SULT1E1: variants seen among roughly 807,000 people sequenced by gnomAD.
SULT1E1 encodes the protein sulfotransferase family 1E member 1.
Under a neutral mutation model 33.6 loss-of-function variants are expected in SULT1E1, and 36 were observed. The observed-to-expected ratio is 1.07, with a 90% CI of 0.82 to 1.41. The LOEUF is 1.41. Ranked by LOEUF, SULT1E1 falls within the 40% of genes most tolerant of loss-of-function variation. The pLI is 0.00. For synonymous variants in SULT1E1, 121 were observed against 111.7 expected (o/e 1.08, Z -0.53); for missense variants, 371 against 345.7 (o/e 1.07, Z -0.58).
At chr4:69,850,360 A>T (rs1721076543) in intron 4 of SULT1E1, among the ~76,000 whole-genome samples, 1 of 152,076 alleles carries the variant, frequency 6.6e-6, no homozygotes, top group African/African-American at 2.4e-5. Flanking sequence ...TTAGGCCCTC[A>T]GGCACCTAAG....
chr4:69,854,390 A>G, intron 3 of SULT1E1, 76 bp from the exon 4 acceptor site: 1 of 871,284 alleles, frequency 1.1e-6, no homozygotes, highest in Non-Finnish European at 1.7e-6. Context: ...AGATATTTGT[A>G]AAATAGAAGT....
chr4:69,833,892 T>C, the SULT1E1 span, among the ~76,000 whole-genome samples: 4 of 152,318 alleles, frequency 2.6e-5, no homozygotes, highest in African/African-American at 9.6e-5. Context: ...AATAATCACA[T>C]TTGTTGTTAA....
chr4:69,826,849 A>G, the SULT1E1 span, among the ~76,000 whole-genome samples: 1 of 152,128 alleles, frequency 6.6e-6, no homozygotes, highest in African/African-American at 2.4e-5. Context: ...AACTATGCAA[A>G]TCTTGCAATT....
chr4:69,852,094 G>T (rs1196939568), intron 4 of SULT1E1, among the ~76,000 whole-genome samples: 3 of 151,994 alleles, frequency 2.0e-5, no homozygotes, highest in Non-Finnish European at 2.9e-5. Context: ...TGCACATTGT[G>T]CACATGTACC....
downstream of SULT1E1, chr4:69,838,649 G>A (rs1270143815): frequency 2.7e-4 from 41 of 152,118 alleles, no homozygotes; most frequent in Non-Finnish European, 1.5e-5. Flanking sequence ...GCATACAAGG[G>A]GCTAAGGAGT....
intron 4 of SULT1E1, among the ~76,000 whole-genome samples, chr4:69,849,851 TTAAG>T (rs1440909427): frequency 6.6e-6 from 1 of 151,984 alleles, no homozygotes. Flanking sequence ...TCAATATAAA[TTAAG>T]TCAGTTACAT....
chr4:69,841,937 G>T lies in SULT1E1; in HGVS notation c.*57C>A. 1 of 904,604 alleles carries T rather than the reference G, an allele frequency of 1.1e-6. No individual in the cohort carries two copies. The highest frequency in any genetic ancestry group is 1.7e-6 in the Non-Finnish European group (1 of 582,234). 56.0% of individuals were successfully genotyped at this position (904,604 alleles called of 1,614,324 possible). On this transcript the variant is annotated 3_prime_UTR_variant, in exon 8 of 8. Coordinates refer to ENST00000226444, the MANE Select transcript of SULT1E1 (RefSeq NM_005420.3). ...CTAGCAATCTAAAATAAGAAAAAGT[G>T]GAGAATAATGAAAAGAAATCTTTAA...
downstream of SULT1E1, among the ~76,000 whole-genome samples, chr4:69,836,845 T>C (rs894752380): frequency 2.0e-5 from 3 of 151,960 alleles, no homozygotes; most frequent in African/African-American, 7.3e-5. Flanking sequence ...AAATTGTAAA[T>C]TGGAGATTGA....
chr4:69,842,816 C>A (rs1720906636), intron 7 of SULT1E1, among the ~76,000 whole-genome samples: 1 of 151,746 alleles, frequency 6.6e-6, no homozygotes, highest in Non-Finnish European at 1.5e-5. Context: ...ACTCACCTTG[C>A]AGAAGGAATT....
intron 6 of SULT1E1, among the ~76,000 whole-genome samples, chr4:69,846,588 C>G (rs535419502): frequency 6.6e-6 from 1 of 151,582 alleles, no homozygotes; most frequent in Admixed American, 6.6e-5. Context: ...TATTGAATAT[C>G]TAACCTAATG....
At chr4:69,848,116 G>A (rs1217964913) in intron 5 of SULT1E1, among the ~76,000 whole-genome samples, 3 of 141,600 alleles carry the variant, frequency 2.1e-5, no homozygotes, top group Admixed American at 7.1e-5. Flanking sequence ...GTGTGTGTGT[G>A]TAGAATCAAA....
At chr4:69,840,413 AAAGG>A (rs1228739018), downstream of SULT1E1, among the ~76,000 whole-genome samples, 1 of 152,188 alleles carries the variant, frequency 6.6e-6, no homozygotes, top group Non-Finnish European at 1.5e-5. Context: ...TGTGTTAGTG[AAAGG>A]AAGCATTGAC....
the SULT1E1 span, among the ~76,000 whole-genome samples, chr4:69,821,318 G>A: frequency 6.6e-6 from 1 of 152,086 alleles, no homozygotes; most frequent in South Asian, 2.1e-4. Context: ...TATGATTACA[G>A]TTTGTTTAAT....
the SULT1E1 span, among the ~76,000 whole-genome samples, chr4:69,826,551 G>T: frequency 2.6e-5 from 4 of 152,138 alleles, no homozygotes; most frequent in African/African-American, 7.2e-5. Context: ...ACCACAGGTG[G>T]TTTTTTCTTT....
At chr4:69,839,800 G>A (rs1044941438), downstream of SULT1E1, among the ~76,000 whole-genome samples, 8 of 152,144 alleles carry the variant, frequency 5.3e-5, no homozygotes, top group Non-Finnish European at 7.3e-5. Context: ...AAGTTTCTAC[G>A]TGAAATTGAA....
the SULT1E1 span, among the ~76,000 whole-genome samples, chr4:69,833,111 G>T: frequency 2.0e-5 from 3 of 151,800 alleles, no homozygotes; most frequent in Admixed American, 1.3e-4. Context: ...CTCACTATAT[G>T]TGCCTAAGTA....
intron 4 of SULT1E1, 58 bp downstream of exon 4, chr4:69,854,159 A>T (rs1721183114): frequency 3.2e-6 from 4 of 1,239,512 alleles, no homozygotes; most frequent in Non-Finnish European, 4.7e-6. Flanking sequence ...AACTGATGAG[A>T]TCACTCTATC....
intron 7 of SULT1E1, among the ~76,000 whole-genome samples, chr4:69,843,336 G>T (rs1314069435): frequency 2.0e-5 from 3 of 152,118 alleles, no homozygotes; most frequent in East Asian, 3.9e-4. Flanking sequence ...TTTATATGTA[G>T]AATTTTGAAA....
At chr4:69,851,090 A>G (rs1281249472) in intron 4 of SULT1E1, among the ~76,000 whole-genome samples, 1 of 152,084 alleles carries the variant, frequency 6.6e-6, no homozygotes, top group East Asian at 1.9e-4. Context: ...GGTGTTTTAG[A>G]CATGAAGTCC....
Sources: allele counts gnomAD v4.1 joint callset (sites outside exome capture counted in the v4.1 genomes callset), GRCh38; gene constraint gnomAD v4.1.1; transcripts MANE v1.5; gene names NCBI Gene and HGNC (gene_info 2026-07-23, HGNC 2026-07-21).